FCRL3: variants seen among roughly 807,000 people sequenced by gnomAD.
FCRL3 encodes the protein Fc receptor-like protein 3.
A neutral mutation model predicts 75.0 loss-of-function variants in FCRL3; 89 were observed. The ratio of observed to expected loss-of-function variants is 1.19; its 90% CI spans 1.00 to 1.42. The LOEUF (loss-of-function observed/expected upper bound fraction) is 1.42, where lower values mean the gene tolerates loss of function less well. Among genes scored for constraint, FCRL3 ranks in the 40% most tolerant of loss-of-function variants. FCRL3 has a pLI of 0.00. For synonymous variants in FCRL3, 376 were observed against 348.5 expected (o/e 1.08, Z -0.88); for missense variants, 946 against 880.0 (o/e 1.07, Z -0.95).
chr1:157,694,373 C>T (rs1345897441), intron 8 of FCRL3, among the ~76,000 whole-genome samples: 1 of 152,142 alleles, frequency 6.6e-6, no homozygotes, highest in African/African-American at 2.4e-5. Context: ...GATTTTAATA[C>T]CTCCTTAAAT....
At position 157,698,443 on chromosome 1, in the gene FCRL3, T is replaced by C; in HGVS notation, c.239A>G (p.Tyr80Cys). The change falls in exon 4 of 15, where the codon TAC becomes TGC. Residue 80 changes from tyrosine to cysteine, a missense_variant. Tyr to Cys is a radical substitution (Grantham distance 194, BLOSUM62 -2). Coordinates refer to ENST00000368184, the MANE Select transcript of FCRL3 (RefSeq NM_052939.4). ...GGAGGATCCTCGGGTCTTACATTGG[T>C]AATTTCCAGGCTCTGTAATTTGGAT... ...DKIQITEPGN[Y>C]QCKTRGSSLS... 1 of 1,614,208 alleles carries C rather than the reference T, an allele frequency of 6.2e-7. No individual in the cohort carries two copies. Among genetic ancestry groups the C allele is most frequent in the Non-Finnish European group, 8.5e-7 (1 of 1,179,996 alleles).
rs747030421 is a variant in FCRL3, at chr1:157,678,735, C to T, written c.2180G>A (p.Arg727His). The part of the protein sequence containing the change: ...DDEENYENVP[R>H]VLLASDH ...CTAGTGGTCTGAGGCCAGTAATACA[C>T]GTGGTACATTCTCATAGTTTTCTTC... The change falls in exon 15 of 15, where the codon CGT (arginine) becomes CAT (histidine). Residue 727 changes from arginine (R) to histidine (H), a missense_variant. Physicochemically the swap from Arg to His is conservative, Grantham distance 29. Coordinates refer to ENST00000368184, the MANE Select transcript of FCRL3 (RefSeq NM_052939.4). 11 of 1,613,900 alleles carry T rather than the reference C, an allele frequency of 6.8e-6. No homozygotes were observed. The highest frequency in any genetic ancestry group is 2.7e-5 in the African/African-American group (2 of 75,018).
rs1468155648 is a variant in FCRL3 at position 157,690,517 on chromosome 1, G to A, written c.1428C>T (p.Pro476=). The A allele has an allele frequency of 3.1e-6, 5 of 1,614,124 alleles. No homozygotes were observed. The highest frequency in any genetic ancestry group is 1.3e-5 in the African/African-American group (1 of 75,060). The change falls in exon 9 of 15, where the codon CCC becomes CCT. Residue 476 remains proline, a synonymous_variant. Transcript: ENST00000368184. ...CCCCGGGAGCCCTGAGGGTGAGGAC[G>A]GGGCGAGACACCGGAACTGAGGGAG... ...SLRVTVPVSR[P]VLTLRAPGAQ...
rs1039221866 is a variant in FCRL3, at chr1:157,690,112, A to T, written c.1690+143T>A. 5 of 1,315,550 alleles carry T rather than the reference A, an allele frequency of 3.8e-6. No individual in the cohort carries two copies. The African/African-American group carries it at 5.9e-5, about 16-fold the overall frequency. The allele number at this position is 1,315,550 out of a possible 1,614,324, so 81.5% of individuals were successfully genotyped here. The stretch of plus-strand genomic sequence containing the variant: ...GTATTTCCTTTCCCTCTCCCATATA[A>T]AATCAGTACCAATCTCCAGAAGTCC... On this transcript the variant is annotated intron_variant, in intron 9 of 14. Coordinates refer to ENST00000368184, the MANE Select transcript of FCRL3 (RefSeq NM_052939.4).
chr1:157,684,346 G>C (rs1014610629), intron 10 of FCRL3, among the ~76,000 whole-genome samples: 1 of 152,090 alleles, frequency 6.6e-6, no homozygotes, highest in Non-Finnish European at 1.5e-5. Context: ...AAACATACCA[G>C]CCTTGACTCT....
rs116882787 is a variant in FCRL3, at chr1:157,700,186, A to G, written c.31+273T>C. The stretch of plus-strand genomic sequence containing the variant: ...TCTGAGGCTTAAGAGGGAGGGTGGG[A>G]TATAGAGTTGTGGTTTGGCAGAAGG... On this transcript the variant is annotated intron_variant, in intron 2 of 14. Coordinates refer to ENST00000368184, the MANE Select transcript of FCRL3 (RefSeq NM_052939.4). 3.0e-4 allele frequency among the ~76,000 whole-genome samples: 46 copies of G among 152,252 alleles called. No homozygotes were observed. The East Asian group carries it at 7.3e-3, about 24-fold the overall frequency.
intron 4 of FCRL3, 47 bp downstream of exon 4, chr1:157,698,337 A>G: frequency 1.9e-6 from 3 of 1,608,910 alleles, no homozygotes; most frequent in Non-Finnish European, 2.5e-6. Context: ...GCCCTCAGGC[A>G]TTCTGCCTGG....
intron 8 of FCRL3, among the ~76,000 whole-genome samples, chr1:157,692,695 T>C (rs1240648372): frequency 6.6e-6 from 1 of 152,246 alleles, no homozygotes; most frequent in East Asian, 1.9e-4. Context: ...AGATTAGTAT[T>C]TAATTTTTGT....
At chr1:157,699,127 C>G (rs1270557706) in intron 3 of FCRL3, among the ~76,000 whole-genome samples, 2 of 152,152 alleles carry the variant, frequency 1.3e-5, no homozygotes, top group African/African-American at 4.8e-5. Flanking sequence ...GGGAAGGCAA[C>G]TTTACTCTCC....
At chr1:157,688,456 GAAGAA>G (rs1655310741) in intron 10 of FCRL3, among the ~76,000 whole-genome samples, 1 of 152,040 alleles carries the variant, frequency 6.6e-6, no homozygotes, top group Non-Finnish European at 1.5e-5. Flanking sequence ...TAGAATTGCA[GAAGAA>G]ATGGATAAAT....
In FCRL3 at chr1:157,677,381, CT is replaced by C; in HGVS notation, c.*1328del. The C allele has an allele frequency of 1.0e-6, 1 of 985,896 alleles. No individual in the cohort carries two copies. The allele number at this position is 985,896 out of a possible 1,614,324, so 61.1% of individuals were successfully genotyped here. A position where few individuals can be genotyped will look rare whatever the true frequency, so the allele number is the denominator to read the frequency against. ...GGAAGATGTGGTGCTTTGAAAGGGA[CT>C]TGGTGTTCCTACATGAACCAAGTGA... On this transcript the variant is annotated 3_prime_UTR_variant, in exon 15 of 15. Coordinates refer to ENST00000368184, the MANE Select transcript of FCRL3 (RefSeq NM_052939.4).
Position 157,698,551 on chromosome 1 carries a change from C to T in FCRL3, c.131G>A (p.Cys44Tyr). The T allele has an allele frequency of 6.2e-7, 1 of 1,614,142 alleles. No homozygotes were observed. The change falls in exon 4 of 15, where the codon TGC becomes TAC. Residue 44 changes from cysteine (C) to tyrosine (Y), a missense_variant. Cys to Tyr is a radical substitution (Grantham distance 194). Transcript: ENST00000368184. ...GGCTAGGGAATGTGATATGCTGCTG[C>T]ATATGAGAGCCACTTTTTCTCCTTT... Reference protein sequence around the residue: ...AFKGEKVALICSSISHSLAQG... With the variant: ...AFKGEKVALIYSSISHSLAQG...
chr1:157,677,904 T>C lies in FCRL3; in HGVS notation c.*806A>G. The C allele has an allele frequency of 1.4e-5, 13 of 955,126 alleles. No individual in the cohort carries two copies. The highest frequency in any genetic ancestry group is 1.6e-5 in the Non-Finnish European group (13 of 802,776). 59.2% of individuals were successfully genotyped at this position (955,126 alleles called of 1,614,324 possible). A position where few individuals can be genotyped will look rare whatever the true frequency, so the allele number is the denominator to read the frequency against. ...GATGGAGTGAGGTAGAGGAAGAGAA[T>C]GGGAGAAGCCACATAGATATAGTAG... On this transcript the variant is annotated 3_prime_UTR_variant, in exon 15 of 15. Transcript: ENST00000368184.
chr1:157,693,898 C>T (rs1199940629), intron 8 of FCRL3, among the ~76,000 whole-genome samples: 1 of 152,066 alleles, frequency 6.6e-6, no homozygotes, highest in African/African-American at 2.4e-5. Flanking sequence ...CAGGCGCATG[C>T]CACCATGCCC....
In FCRL3 at chr1:157,698,644, G is replaced by T. The variant is rs1397530919; in HGVS notation, c.53-15C>A. ...TGGGGCCACCCCTAAACAGGAAATA[G>T]AAAGATGAAGGCAGGGGAAGGTCAA... On this transcript the variant is annotated splice_polypyrimidine_tract_variant and intron_variant, in intron 3 of 14. Coordinates refer to ENST00000368184, the MANE Select transcript of FCRL3 (RefSeq NM_052939.4). The T allele has an allele frequency of 2.5e-6, 4 of 1,613,342 alleles. No individual in the cohort carries two copies. Among genetic ancestry groups the T allele is most frequent in the African/African-American group, 2.7e-5 (2 of 74,902 alleles).
chr1:157,678,261 CA>C lies in FCRL3; in HGVS notation c.*448del. 4 of 1,002,590 alleles carry C rather than the reference CA, an allele frequency of 4.0e-6. No individual in the cohort carries two copies. The highest frequency in any genetic ancestry group is 4.8e-6 in the Non-Finnish European group (4 of 840,144). The allele number at this position is 1,002,590 out of a possible 1,614,324, so 62.1% of individuals were successfully genotyped here. A position where few individuals can be genotyped will look rare whatever the true frequency, so the allele number is the denominator to read the frequency against. ...TCCCAATATGGTAGCAAGGATACAG[CA>C]TATACACCAAAACATCAGCAATGCC... On this transcript the variant is annotated 3_prime_UTR_variant, in exon 15 of 15. Coordinates refer to ENST00000368184, the MANE Select transcript of FCRL3 (RefSeq NM_052939.4).
intron 8 of FCRL3, among the ~76,000 whole-genome samples, chr1:157,692,270 A>G (rs192285125): frequency 1.6e-4 from 25 of 151,898 alleles, no homozygotes; most frequent in Admixed American, 5.2e-4. Flanking sequence ...ACAGGGTCTC[A>G]CTCTGTTGCC....
Position 157,676,656 on chromosome 1 carries a change from G to A in FCRL3, c.*2054C>T, listed in dbSNP as rs1571179696. On this transcript the variant is annotated 3_prime_UTR_variant, in exon 15 of 15. Transcript: ENST00000368184. ...GAATTTGCACATTTGTTATATCCGA[G>A]ATGTACAGTTAGGACTCACCCCTTC... 1.4e-6 allele frequency: 2 copies of A among 1,455,742 alleles called. No homozygotes were observed. Among genetic ancestry groups the A allele is most frequent in the East Asian group, 5.0e-5 (2 of 40,398 alleles). 90.2% of individuals were successfully genotyped at this position (1,455,742 alleles called of 1,614,324 possible). A position where few individuals can be genotyped will look rare whatever the true frequency, so the allele number is the denominator to read the frequency against.
chr1:157,678,857 C>G lies in FCRL3; in HGVS notation c.2059-1G>C. 1.2e-6 allele frequency: 2 copies of G among 1,613,896 alleles called. No individual in the cohort carries two copies. The highest frequency in any genetic ancestry group is 1.7e-6 in the Non-Finnish European group (2 of 1,179,964). On this transcript the variant is annotated splice_acceptor_variant, in intron 14 of 14. Coordinates refer to ENST00000368184, the MANE Select transcript of FCRL3 (RefSeq NM_052939.4). LOFTEE classifies it high-confidence loss of function. Reference sequence around the variant, plus strand: ...GTTCTGAATAGAGGACTGTAAGTTCCTGGTAGAAAAAAACACAAAAGGTAA... The same window carrying G: ...GTTCTGAATAGAGGACTGTAAGTTCGTGGTAGAAAAAAACACAAAAGGTAA...
Sources: gnomAD v4.1 joint callset for allele counts (sites outside exome capture counted in the v4.1 genomes callset) on GRCh38, gnomAD v4.1.1 for gene constraint, MANE v1.5 for transcripts, NCBI Gene and HGNC (gene_info 2026-07-23, HGNC 2026-07-21) for gene names.